Variants in RBFOX1 observed in about 807,000 individuals in gnomAD.
RBFOX1 encodes the protein RNA binding protein fox-1 homolog 1.
Under a neutral mutation model 57.7 loss-of-function variants are expected in RBFOX1, and 8 were observed. The observed-to-expected ratio is 0.14, with a 90% CI of 0.08 to 0.25. The LOEUF is 0.25. Among genes scored for constraint, RBFOX1 ranks in the 10% least tolerant of loss-of-function variants. RBFOX1 has a pLI of 1.00. For synonymous variants in RBFOX1, 326 were observed against 222.4 expected (o/e 1.47, Z -4.15); for missense variants, 611 against 548.5 (o/e 1.11, Z -1.14).
intron 2 of RBFOX1, among the ~76,000 whole-genome samples, chr16:6,520,560 T>C (rs1031042221): frequency 1.8e-4 from 28 of 152,252 alleles, no homozygotes; most frequent in African/African-American, 6.7e-4. Flanking sequence ...CAAAAAAACA[T>C]TGGTTCTAAC....
At chr16:7,189,587 A>ACACG (rs34972431) in intron 4 of RBFOX1, among the ~76,000 whole-genome samples, 1 of 142,216 alleles carries the variant, frequency 7.0e-6, no homozygotes, top group East Asian at 2.1e-4. Flanking sequence ...ACACACACAC[A>ACACG]TACACACACA....
chr16:6,931,569 C>G (rs1377520970), intron 3 of RBFOX1, among the ~76,000 whole-genome samples: 3 of 152,138 alleles, frequency 2.0e-5, no homozygotes, highest in African/African-American at 7.2e-5. Flanking sequence ...AATTCACACT[C>G]TTGCCACCCT....
chr16:5,653,830 C>T lies in RBFOX1; in HGVS notation c.318+54869C>T, dbSNP rs142050946. 1.6e-4 allele frequency among the ~76,000 whole-genome samples: 24 copies of T among 152,282 alleles called. No individual in the cohort carries two copies. In the East Asian group the frequency reaches 4.3e-3, roughly 27 times the overall value. Reference sequence around the variant, plus strand: ...CATATGTGCCCTCTTAGAATGGATGCTGGGTCAGGGGTCCGTGGCAAACTC... The same window carrying T: ...CATATGTGCCCTCTTAGAATGGATGTTGGGTCAGGGGTCCGTGGCAAACTC... On this transcript the variant is annotated intron_variant, in intron 3 of 19. Transcript: ENST00000641259.
chr16:7,460,638 T>C (rs893022325), intron 4 of RBFOX1, among the ~76,000 whole-genome samples: 1 of 151,306 alleles, frequency 6.6e-6, no homozygotes, highest in Non-Finnish European at 1.5e-5. Flanking sequence ...ATCTGAGTGA[T>C]GAAATAATCT....
chr16:6,301,028 A>G (rs1434379001), intron 1 of RBFOX1, among the ~76,000 whole-genome samples: 2 of 152,188 alleles, frequency 1.3e-5, no homozygotes, highest in African/African-American at 4.8e-5. Flanking sequence ...AACACAAGTA[A>G]CTTACATTAT....
At chr16:5,666,373 G>A (rs567827499) in intron 3 of RBFOX1, among the ~76,000 whole-genome samples, 2 of 152,266 alleles carry the variant, frequency 1.3e-5, no homozygotes, top group South Asian at 2.1e-4. Context: ...CAGAGCTCAC[G>A]GGAGCCTCTG....
chr16:6,671,813 A>G (rs757561621), intron 3 of RBFOX1, among the ~76,000 whole-genome samples: 2 of 152,202 alleles, frequency 1.3e-5, no homozygotes, highest in Non-Finnish European at 2.9e-5. Context: ...TTTATGACGG[A>G]GTAGTATTCC....
In RBFOX1 at chr16:5,907,766, T is replaced by TC. The variant is rs1567133008; in HGVS notation, c.351+40431_351+40432insC. Among the ~76,000 whole-genome samples, 311 of 132,190 alleles carry TC rather than the reference T, an allele frequency of 2.4e-3. 4 individuals carry two copies. Among genetic ancestry groups the TC allele is most frequent in the African/African-American group, 0.011 (291 of 26,700 alleles). 86.7% of individuals were successfully genotyped at this position (132,190 alleles called of 152,430 possible). On this transcript the variant is annotated intron_variant, in intron 4 of 19. Coordinates refer to the RBFOX1 transcript ENST00000641259. The stretch of plus-strand genomic sequence containing the variant: ...TCATCATCATCATCATCATCATCAT[T>TC]TGAGATGGCATCTTTTCTCTATTGC...
intron 3 of RBFOX1, among the ~76,000 whole-genome samples, chr16:6,820,459 C>T (rs1314807137): frequency 2.6e-5 from 4 of 152,006 alleles, no homozygotes; most frequent in Non-Finnish European, 4.4e-5. Flanking sequence ...GAGTTCGACA[C>T]CAGCATGGGA....
intron 4 of RBFOX1, among the ~76,000 whole-genome samples, chr16:7,176,076 C>G (rs762136730): frequency 6.6e-6 from 1 of 151,844 alleles, no homozygotes; most frequent in Admixed American, 6.6e-5. Context: ...TCTCCACTCA[C>G]AGACCGCTGG....
At chr16:7,304,043 C>CCG (rs2096105499) in intron 4 of RBFOX1, among the ~76,000 whole-genome samples, 1 of 151,828 alleles carries the variant, frequency 6.6e-6, no homozygotes, top group Non-Finnish European at 1.5e-5. Context: ...AGCCAGACGA[C>CCG]CGCGCGAAGG....
At chr16:6,826,370 G>T (rs1567431888) in intron 3 of RBFOX1, among the ~76,000 whole-genome samples, 1 of 152,154 alleles carries the variant, frequency 6.6e-6, no homozygotes. Context: ...AGGGAGGGGT[G>T]CTTAGAACAC....
At chr16:5,904,437 G>A (rs942172766) in intron 4 of RBFOX1, among the ~76,000 whole-genome samples, 3 of 151,806 alleles carry the variant, frequency 2.0e-5, no homozygotes, top group Non-Finnish European at 2.9e-5. Flanking sequence ...TGCCCTCAGG[G>A]CAGGAAATAT....
intron 10 of RBFOX1, among the ~76,000 whole-genome samples, chr16:7,625,601 G>T (rs562371680): frequency 2.6e-5 from 4 of 151,992 alleles, no homozygotes; most frequent in Non-Finnish European, 5.9e-5. Flanking sequence ...TTTAATCTTC[G>T]AGCTCTTGAA....
intron 2 of RBFOX1, among the ~76,000 whole-genome samples, chr16:5,524,881 C>T (rs1018767465): frequency 1.3e-5 from 2 of 152,090 alleles, no homozygotes; most frequent in African/African-American, 2.4e-5. Context: ...GCTACTTACT[C>T]AGGGGAGCCT....
intron 11 of RBFOX1, among the ~76,000 whole-genome samples, chr16:7,648,808 C>T (rs910111070): frequency 1.3e-5 from 2 of 152,114 alleles, no homozygotes; most frequent in South Asian, 2.1e-4. Context: ...AGTGTGCTGC[C>T]ATCGAGGAGA....
intron 3 of RBFOX1, among the ~76,000 whole-genome samples, chr16:6,964,916 T>TC (rs2083779171): frequency 6.6e-6 from 1 of 152,170 alleles, no homozygotes; most frequent in South Asian, 2.1e-4. Context: ...GCCAGGCTAA[T>TC]CCCCATCTCT....
chr16:5,757,329 T>G (rs1012265658), intron 3 of RBFOX1, among the ~76,000 whole-genome samples: 2 of 151,724 alleles, frequency 1.3e-5, no homozygotes, highest in African/African-American at 2.4e-5. Flanking sequence ...CCTCCTGGGT[T>G]CAAGTGATTC....
intron 1 of RBFOX1, chr16:5,260,560 C>G (rs140322999): frequency 1.3e-5 from 2 of 152,276 alleles, no homozygotes; most frequent in South Asian, 2.1e-4. Flanking sequence ...ATCTAAGAAA[C>G]CAAAGGTGGT....
Sources: allele counts gnomAD v4.1 joint callset (sites outside exome capture counted in the v4.1 genomes callset), GRCh38; gene constraint gnomAD v4.1.1; transcripts MANE v1.5; gene names NCBI Gene and HGNC (gene_info 2026-07-23, HGNC 2026-07-21).